Variants in GRIK2 observed in about 807,000 individuals in gnomAD.
GRIK2 encodes glutamate receptor ionotropic, kainate 2.
GRIK2 carries 32 observed loss-of-function variants against 100.3 expected under a neutral mutation model. The ratio of observed to expected loss-of-function variants is 0.32; its 90% CI spans 0.24 to 0.43. GRIK2 has a LOEUF of 0.43. GRIK2 is among the 20% of genes least tolerant of loss of function. The pLI, the probability that GRIK2 is intolerant of heterozygous loss-of-function variation, is 1.00. For synonymous variants in GRIK2, 417 were observed against 389.4 expected, an observed-to-expected ratio of 1.07 and a Z score of -0.83; for missense variants, 843 against 1,114.9, an observed-to-expected ratio of 0.76 and a Z score of 3.47.
At chr6:101,846,324 A>C (rs1343799371) in intron 10 of GRIK2, among the ~76,000 whole-genome samples, 1 of 152,104 alleles carries the variant, frequency 6.6e-6, no homozygotes, top group African/African-American at 2.4e-5. Flanking sequence ...ACTTTGGATT[A>C]ATTTTTTGTG....
intron 7 of GRIK2, among the ~76,000 whole-genome samples, chr6:101,690,516 C>T (rs1490186967): frequency 2.0e-5 from 3 of 152,066 alleles, no homozygotes; most frequent in East Asian, 3.9e-4. Flanking sequence ...CTAATAATCC[C>T]CTCACTGAAG....
chr6:102,065,772 A>G, intron 16 of GRIK2: 1 of 1,457,952 alleles, frequency 6.9e-7, no homozygotes, highest in South Asian at 1.2e-5. Flanking sequence ...CATCTAATTA[A>G]TTCTTCTGTT....
At chr6:101,660,962 C>T (rs1437852606) in intron 4 of GRIK2, among the ~76,000 whole-genome samples, 1 of 152,154 alleles carries the variant, frequency 6.6e-6, no homozygotes, top group Non-Finnish European at 1.5e-5. Flanking sequence ...ATCAGGGACC[C>T]ACTTGAGGAG....
chr6:101,619,988 T>C (rs1562264914), intron 2 of GRIK2, among the ~76,000 whole-genome samples: 1 of 152,158 alleles, frequency 6.6e-6, no homozygotes, highest in African/African-American at 2.4e-5. Flanking sequence ...CAAATACTTG[T>C]TGAGTGCTTA....
At chr6:101,476,235 G>A (rs1772220992) in intron 2 of GRIK2, among the ~76,000 whole-genome samples, 1 of 152,058 alleles carries the variant, frequency 6.6e-6, no homozygotes, top group African/African-American at 2.4e-5. Flanking sequence ...TGGAGAACAA[G>A]CAGTTATCTA....
intron 12 of GRIK2, among the ~76,000 whole-genome samples, chr6:101,896,961 C>G (rs149393830): frequency 6.6e-6 from 1 of 150,838 alleles, no homozygotes; most frequent in Non-Finnish European, 1.5e-5. Context: ...CACCTCTGTT[C>G]TTAATCAATT....
intron 10 of GRIK2, among the ~76,000 whole-genome samples, chr6:101,852,912 A>C (rs1562439800): frequency 1.3e-5 from 2 of 152,202 alleles, no homozygotes; most frequent in Admixed American, 6.5e-5. Flanking sequence ...GAAGGGCACT[A>C]CATCTGTTAC....
At chr6:101,454,613 A>T (rs765359143) in intron 2 of GRIK2, among the ~76,000 whole-genome samples, 41 of 152,012 alleles carry the variant, frequency 2.7e-4, no homozygotes, top group Admixed American at 4.6e-4. Context: ...CTATACTGAG[A>T]TTTTTTTTAT....
intron 2 of GRIK2, among the ~76,000 whole-genome samples, chr6:101,525,411 G>A (rs1409958001): frequency 6.6e-6 from 1 of 152,152 alleles, no homozygotes; most frequent in African/African-American, 2.4e-5. Flanking sequence ...GATTATGGTG[G>A]TGTGTGAGTT....
intron 11 of GRIK2, among the ~76,000 whole-genome samples, chr6:101,873,179 T>C (rs1785549525): frequency 6.6e-6 from 1 of 151,920 alleles, no homozygotes; most frequent in Non-Finnish European, 1.5e-5. Context: ...ATGTGCCACG[T>C]TGGTGTGCTG....
chr6:101,972,543 G>A (rs2128486280), intron 14 of GRIK2, among the ~76,000 whole-genome samples: 1 of 151,878 alleles, frequency 6.6e-6, no homozygotes, highest in Non-Finnish European at 1.5e-5. Context: ...CTTCTATTCT[G>A]TAGGTTGTCT....
chr6:101,851,948 G>T (rs1195600625), intron 10 of GRIK2, among the ~76,000 whole-genome samples: 1 of 98,468 alleles, frequency 1.0e-5, no homozygotes, highest in Non-Finnish European at 2.0e-5. Context: ...ACTGGCTGTT[G>T]ACTATGGGCA....
chr6:101,610,502 C>T (rs572677765), intron 2 of GRIK2, among the ~76,000 whole-genome samples: 10 of 151,744 alleles, frequency 6.6e-5, no homozygotes, highest in Non-Finnish European at 1.3e-4. Context: ...CAGATGATTT[C>T]TCACATCAAT....
chr6:101,419,748 G>T (rs914795443), intron 2 of GRIK2, among the ~76,000 whole-genome samples: 1 of 152,096 alleles, frequency 6.6e-6, no homozygotes, highest in African/African-American at 2.4e-5. Context: ...GTTGCTTTAG[G>T]CTTCTGACCC....
chr6:101,777,298 C>A (rs1422126652), intron 7 of GRIK2, among the ~76,000 whole-genome samples: 1 of 152,104 alleles, frequency 6.6e-6, no homozygotes, highest in Non-Finnish European at 1.5e-5. Flanking sequence ...AGTGTGCCAG[C>A]TGAATGAGTG....
At chr6:101,479,125 T>C (rs1772400357) in intron 2 of GRIK2, among the ~76,000 whole-genome samples, 1 of 152,206 alleles carries the variant, frequency 6.6e-6, no homozygotes, top group Admixed American at 6.5e-5. Flanking sequence ...TACACAATTA[T>C]ACAAATCAGA....
At chr6:101,608,564 T>A (rs1448020691) in intron 2 of GRIK2, among the ~76,000 whole-genome samples, 1 of 151,910 alleles carries the variant, frequency 6.6e-6, no homozygotes, top group African/African-American at 2.4e-5. Flanking sequence ...ATATTTATAT[T>A]AATGCAAAAA....
At chr6:101,534,960 T>G (rs1223248026) in intron 2 of GRIK2, among the ~76,000 whole-genome samples, 6 of 151,770 alleles carry the variant, frequency 4.0e-5, no homozygotes, top group African/African-American at 1.4e-4. Flanking sequence ...CATTTCATTT[T>G]TTCTGGGCAG....
chr6:101,980,832 C>T (rs1334910571), intron 14 of GRIK2, among the ~76,000 whole-genome samples: 5 of 149,352 alleles, frequency 3.3e-5, no homozygotes, highest in African/African-American at 1.2e-4. Flanking sequence ...ATAAAAATTA[C>T]AGTTCTTAAA....
Sources: allele counts gnomAD v4.1 joint callset (sites outside exome capture counted in the v4.1 genomes callset), GRCh38; gene constraint gnomAD v4.1.1; transcripts MANE v1.5; gene names NCBI Gene and HGNC (gene_info 2026-07-23, HGNC 2026-07-21).